Variants in CNTN6 observed in about 807,000 individuals in gnomAD.
CNTN6 encodes the protein contactin 6.
CNTN6 carries 137 observed loss-of-function variants against 122.8 expected under a neutral mutation model. The observed-to-expected ratio is 1.12, with a 90% CI of 0.97 to 1.29. The LOEUF (loss-of-function observed/expected upper bound fraction) is 1.29, where lower values mean the gene tolerates loss of function less well. Ranked by LOEUF, CNTN6 falls within the 50% of genes most tolerant of loss-of-function variation. CNTN6 has a pLI of 0.00. For synonymous variants in CNTN6, 570 were observed against 426.0 expected (o/e 1.34, Z -4.16); for missense variants, 1,634 against 1,223.4 (o/e 1.34, Z -5.01).
intron 2 of CNTN6, among the ~76,000 whole-genome samples, chr3:1,185,976 T>A (rs909307385): frequency 2.0e-5 from 3 of 152,138 alleles, no homozygotes; most frequent in African/African-American, 7.2e-5. Flanking sequence ...TATCAATTAA[T>A]TCACCTACTA....
At chr3:1,212,514 C>A (rs531969895) in intron 2 of CNTN6, among the ~76,000 whole-genome samples, 1 of 149,332 alleles carries the variant, frequency 6.7e-6, no homozygotes, top group South Asian at 2.1e-4. Context: ...TATATATATA[C>A]ATATGTGTGT....
At chr3:1,178,812 T>G (rs2093501329) in intron 2 of CNTN6, among the ~76,000 whole-genome samples, 1 of 152,208 alleles carries the variant, frequency 6.6e-6, no homozygotes, top group African/African-American at 2.4e-5. Context: ...GGCTTCCACT[T>G]CCTTTGGTTA....
intron 2 of CNTN6, among the ~76,000 whole-genome samples, chr3:1,201,505 C>A (rs1367492728): frequency 6.6e-6 from 1 of 152,006 alleles, no homozygotes; most frequent in Admixed American, 6.6e-5. Flanking sequence ...TTTCATATCC[C>A]AGCTTAACTA....
chr3:1,170,547 A>C (rs2093342332), intron 2 of CNTN6, among the ~76,000 whole-genome samples: 1 of 152,188 alleles, frequency 6.6e-6, no homozygotes, highest in South Asian at 2.1e-4. Flanking sequence ...AACTTAACAT[A>C]AATAAGAATA....
chr3:1,385,721 T>C lies in CNTN6; in HGVS notation c.2628T>C (p.Phe876=). The change falls in exon 20 of 23, where the codon TTT becomes TTC. Residue 876 remains phenylalanine, a synonymous_variant. Coordinates refer to ENST00000446702, the MANE Select transcript of CNTN6 (RefSeq NM_001289080.2). ...ITGLKANTIY[F]ASVRAYNTAG... The stretch of plus-strand genomic sequence containing the variant: ...GGCTGAAAGCTAATACCATCTACTT[T>C]GCTTCCGTAAGAGCTTACAACACTG... 1 of 1,614,152 alleles carries C rather than the reference T, an allele frequency of 6.2e-7. No homozygotes were observed.
At chr3:1,351,046 T>A (rs545752280) in intron 11 of CNTN6, among the ~76,000 whole-genome samples, 1 of 151,956 alleles carries the variant, frequency 6.6e-6, no homozygotes, top group African/African-American at 2.4e-5. Context: ...TCTAAGATAA[T>A]GACTTTAAAA....
At chr3:1,326,782 C>A (rs1216103577) in intron 9 of CNTN6, among the ~76,000 whole-genome samples, 1 of 151,886 alleles carries the variant, frequency 6.6e-6, no homozygotes, top group Non-Finnish European at 1.5e-5. Context: ...TTCCTGCATG[C>A]CTTTTGCATA....
chr3:1,232,697 A>G (rs2094367913), intron 4 of CNTN6, among the ~76,000 whole-genome samples: 2 of 152,202 alleles, frequency 1.3e-5, no homozygotes, highest in Admixed American at 1.3e-4. Context: ...GAAGAGTCCT[A>G]CCACCTACTG....
chr3:1,375,123 T>C (rs1304633214), intron 16 of CNTN6, among the ~76,000 whole-genome samples: 2 of 152,008 alleles, frequency 1.3e-5, no homozygotes, highest in Non-Finnish European at 2.9e-5. Context: ...TGTGTAAATA[T>C]AGAAATTCCC....
intron 5 of CNTN6, among the ~76,000 whole-genome samples, chr3:1,294,417 C>T (rs146795775): frequency 3.6e-4 from 55 of 152,006 alleles, no homozygotes; most frequent in African/African-American, 1.3e-3. Context: ...GATAGAAATC[C>T]AGTAGTGGTT....
Position 1,372,495 on chromosome 3 carries a change from A to C in CNTN6, c.1668+21A>C, listed in dbSNP as rs765430384. On this transcript the variant is annotated intron_variant, in intron 13 of 22. Coordinates refer to ENST00000446702, the MANE Select transcript of CNTN6 (RefSeq NM_001289080.2). ...GAGGAGTAAGTTACTGAAATTGTTA[A>C]GTGCTTAATAAAATGAATCAAGTCT... The C allele has an allele frequency of 2.5e-6, 4 of 1,571,696 alleles. No individual in the cohort carries two copies. The South Asian group carries it at 4.7e-5, about 18-fold the overall frequency.
At chr3:1,333,581 A>G (rs537358897) in intron 11 of CNTN6, among the ~76,000 whole-genome samples, 4 of 152,182 alleles carry the variant, frequency 2.6e-5, no homozygotes, top group African/African-American at 9.6e-5. Context: ...GGAAATGTAC[A>G]TTTTTAGTTT....
intron 7 of CNTN6, among the ~76,000 whole-genome samples, chr3:1,303,842 G>C (rs570783671): frequency 6.6e-6 from 1 of 152,092 alleles, no homozygotes; most frequent in Admixed American, 6.6e-5. Flanking sequence ...GTGAATCCTC[G>C]AGTTTTCTGT....
intron 2 of CNTN6, among the ~76,000 whole-genome samples, chr3:1,183,575 G>A (rs1422486018): frequency 6.6e-6 from 1 of 151,458 alleles, no homozygotes; most frequent in African/African-American, 2.4e-5. Flanking sequence ...TGCACATTCT[G>A]GACACATTCC....
At chr3:1,318,008 A>G (rs1700337739) in intron 7 of CNTN6, among the ~76,000 whole-genome samples, 1 of 151,722 alleles carries the variant, frequency 6.6e-6, no homozygotes. Context: ...TGTACCCTGA[A>G]TCTTATAACC....
chr3:1,279,718 T>G (rs1693032533), intron 5 of CNTN6, among the ~76,000 whole-genome samples: 1 of 152,294 alleles, frequency 6.6e-6, no homozygotes. Flanking sequence ...AAAATAAAAT[T>G]TAAGCAATTT....
intron 20 of CNTN6, among the ~76,000 whole-genome samples, chr3:1,390,817 A>G (rs1475019817): frequency 6.6e-6 from 1 of 151,308 alleles, no homozygotes; most frequent in African/African-American, 2.4e-5. Flanking sequence ...AGAAATGGAT[A>G]AATTCCTCGA....
At chr3:1,255,302 T>C (rs2094735637) in intron 4 of CNTN6, among the ~76,000 whole-genome samples, 2 of 151,956 alleles carry the variant, frequency 1.3e-5, no homozygotes, top group Admixed American at 6.6e-5. Context: ...TAGGACTAAG[T>C]TGTAATCACT....
At chr3:1,124,180 A>T (rs955028194) in intron 1 of CNTN6, among the ~76,000 whole-genome samples, 19 of 151,966 alleles carry the variant, frequency 1.3e-4, no homozygotes, top group African/African-American at 4.6e-4. Flanking sequence ...CATGAAGACA[A>T]GGATGCTCCT....
Sources: gnomAD v4.1 joint callset for allele counts (sites outside exome capture counted in the v4.1 genomes callset) on GRCh38, gnomAD v4.1.1 for gene constraint, MANE v1.5 for transcripts, NCBI Gene and HGNC (gene_info 2026-07-23, HGNC 2026-07-21) for gene names.